NFAM1: variants seen among roughly 807,000 people sequenced by gnomAD.
The protein encoded by NFAM1 is NFAT activation molecule 1.
Under a neutral mutation model 29.0 loss-of-function variants are expected in NFAM1, and 17 were observed. The ratio of observed to expected loss-of-function variants is 0.59; its 90% CI spans 0.40 to 0.88. The LOEUF (loss-of-function observed/expected upper bound fraction) is 0.88. Ranked by LOEUF, NFAM1 falls within the 40% of genes least tolerant of loss-of-function variation. NFAM1 has a pLI of 0.00. For missense variants in NFAM1, 324 were observed against 344.6 expected (o/e 0.94, Z 0.47); for synonymous variants, 175 against 147.2 (o/e 1.19, Z -1.36).
intron 1 of NFAM1, among the ~76,000 whole-genome samples, chr22:42,418,680 C>A (rs933969683): frequency 6.6e-6 from 1 of 151,836 alleles, no homozygotes; most frequent in African/African-American, 2.4e-5. Flanking sequence ...GTGACAAGAG[C>A]TATCTCTGTT....
chr22:42,424,231 C>T (rs1056106057), intron 1 of NFAM1, among the ~76,000 whole-genome samples: 7 of 152,080 alleles, frequency 4.6e-5, no homozygotes, highest in African/African-American at 7.2e-5. Context: ...CTGGCTAACA[C>T]GGTGAAACCC....
At chr22:42,414,045 C>A (rs997192782) in intron 1 of NFAM1, among the ~76,000 whole-genome samples, 12 of 152,044 alleles carry the variant, frequency 7.9e-5, no homozygotes, top group Non-Finnish European at 1.2e-4. Context: ...CAGAGCAAGA[C>A]TTCGTCTCAA....
intron 3 of NFAM1, among the ~76,000 whole-genome samples, chr22:42,403,201 G>A (rs902975922): frequency 2.6e-5 from 4 of 152,060 alleles, no homozygotes; most frequent in East Asian, 1.9e-4. Flanking sequence ...TGGGGAAACC[G>A]AAGCCTGGAG....
intron 4 of NFAM1, among the ~76,000 whole-genome samples, chr22:42,392,281 T>G (rs1403403856): frequency 6.6e-6 from 1 of 152,112 alleles, no homozygotes; most frequent in Non-Finnish European, 1.5e-5. Context: ...TGGAATGTTC[T>G]GGAAGCAAGT....
intron 1 of NFAM1, among the ~76,000 whole-genome samples, chr22:42,418,150 C>T (rs1010708458): frequency 1.3e-5 from 2 of 152,310 alleles, no homozygotes; most frequent in Admixed American, 6.5e-5. Context: ...GGGAAAAGCC[C>T]AGGTTCTGGA....
At chr22:42,418,377 G>A (rs1393455377) in intron 1 of NFAM1, among the ~76,000 whole-genome samples, 1 of 152,214 alleles carries the variant, frequency 6.6e-6, no homozygotes, top group Admixed American at 6.5e-5. Flanking sequence ...GAGACAGGGA[G>A]TCCTCCTTGG....
rs1426815198 is a variant in NFAM1 at position 42,419,251 on chromosome 22, C to A, written c.122-7515G>T. Reference sequence around the variant, plus strand: ...CAACAGCTCCCATCCAGTCCCCTCTCCTGCCCAACCAGGGCTGTCTCTGTG... The same window carrying A: ...CAACAGCTCCCATCCAGTCCCCTCTACTGCCCAACCAGGGCTGTCTCTGTG... On this transcript the variant is annotated intron_variant, in intron 1 of 5. Coordinates refer to ENST00000329021, the MANE Select transcript of NFAM1 (RefSeq NM_145912.8). This position sits in a 1 kb window ranked among gnomAD's most constrained non-coding sequence, Gnocchi z 4.5. Among the ~76,000 whole-genome samples the A allele has an allele frequency of 6.6e-6, 1 of 152,128 alleles. No individual in the cohort carries two copies. Among genetic ancestry groups the A allele is most frequent in the African/African-American group, 2.4e-5 (1 of 41,436 alleles).
At chr22:42,387,160 T>C in intron 4 of NFAM1, 82 bp from the exon 5 acceptor site, 1 of 773,014 alleles carries the variant, frequency 1.3e-6, no homozygotes, top group Non-Finnish European at 2.1e-6. Flanking sequence ...CCCTGCCTGT[T>C]ACACACCCCA....
chr22:42,399,701 G>C (rs972677754), intron 3 of NFAM1, among the ~76,000 whole-genome samples: 3 of 152,156 alleles, frequency 2.0e-5, no homozygotes, highest in African/African-American at 7.2e-5. Context: ...TCACGAGGCG[G>C]TACAGGCAGC....
intron 1 of NFAM1, among the ~76,000 whole-genome samples, chr22:42,415,529 G>C (rs936076044): frequency 2.0e-5 from 3 of 151,982 alleles, no homozygotes; most frequent in Non-Finnish European, 2.9e-5. Context: ...TCAATCTCCT[G>C]ACCTCGTGAT....
intron 1 of NFAM1, among the ~76,000 whole-genome samples, chr22:42,426,522 C>T (rs938642060): frequency 6.6e-6 from 1 of 152,210 alleles, no homozygotes; most frequent in African/African-American, 2.4e-5. Context: ...ACTCTGCAGC[C>T]CCTCCTCTGT....
intron 1 of NFAM1, 43 bp from the exon 2 acceptor site, chr22:42,411,779 C>T: frequency 7.1e-7 from 1 of 1,401,540 alleles, no homozygotes; most frequent in Non-Finnish European, 1.0e-6. Context: ...TCACTTGAGG[C>T]TGCCTCAGTC....
intron 1 of NFAM1, among the ~76,000 whole-genome samples, chr22:42,413,482 G>A (rs1022767659): frequency 6.6e-5 from 10 of 152,104 alleles, no homozygotes; most frequent in Non-Finnish European, 1.3e-4. Flanking sequence ...AGCCACTAAA[G>A]AGACACCCCC....
At chr22:42,414,575 T>TA (rs930196967) in intron 1 of NFAM1, among the ~76,000 whole-genome samples, 9 of 151,668 alleles carry the variant, frequency 5.9e-5, no homozygotes, top group South Asian at 2.1e-4. Context: ...TTTTTTAAAT[T>TA]AAAAAAATTT....
chr22:42,383,163 G>A lies in NFAM1; in HGVS notation c.*1998C>T, dbSNP rs1310453001. 1 of 152,612 alleles carries A rather than the reference G, an allele frequency of 6.6e-6. No individual in the cohort carries two copies. 9.5% of individuals were successfully genotyped at this position (152,612 alleles called of 1,614,324 possible). A position where few individuals can be genotyped will look rare whatever the true frequency, so the allele number is the denominator to read the frequency against. On this transcript the variant is annotated 3_prime_UTR_variant, in exon 6 of 6. Coordinates refer to ENST00000329021, the MANE Select transcript of NFAM1 (RefSeq NM_145912.8). ...CCCCTGTCTACCCCTGAAAAAGACT[G>A]GAAAATGCTGAGTCCCAGCCAAGGG...
At chr22:42,389,688 C>G (rs1240667329) in intron 4 of NFAM1, among the ~76,000 whole-genome samples, 1 of 70,410 alleles carries the variant, frequency 1.4e-5, no homozygotes, top group Non-Finnish European at 2.7e-5. Flanking sequence ...CTGGGCTGGG[C>G]TGGGCTGGGG....
chr22:42,421,229 T>A (rs1360581796), intron 1 of NFAM1, among the ~76,000 whole-genome samples: 1 of 151,940 alleles, frequency 6.6e-6, no homozygotes, highest in Non-Finnish European at 1.5e-5. Flanking sequence ...GGTGGGTGGA[T>A]CTCCTGAGGT....
chr22:42,411,568 G>A lies in NFAM1; in HGVS notation c.290C>T (p.Thr97Ile). ...LQGQRSPKKP[T>I]NCHPGLGTEN... Reference sequence around the variant, plus strand: ...TGTGCCCAGTCCAGGGTGGCAGTTTGTTGGCTTCTTAGGGCTCCTCTGTCC... The same window carrying A: ...TGTGCCCAGTCCAGGGTGGCAGTTTATTGGCTTCTTAGGGCTCCTCTGTCC... The change falls in exon 2 of 6, where the codon ACA becomes ATA. Residue 97 changes from threonine to isoleucine, a missense_variant. Physicochemically the swap from Thr to Ile is moderately conservative, Grantham distance 89. Transcript: ENST00000329021. The A allele has an allele frequency of 1.2e-6, 2 of 1,614,224 alleles. No homozygotes were observed. Among genetic ancestry groups the A allele is most frequent in the Non-Finnish European group, 1.7e-6 (2 of 1,180,042 alleles).
intron 1 of NFAM1, 34 bp downstream of exon 1, chr22:42,432,201 CGA>C: frequency 6.5e-7 from 1 of 1,538,982 alleles, no homozygotes; most frequent in Non-Finnish European, 8.8e-7. Flanking sequence ...TGTTCTGGAG[CGA>C]GAGAGTAGAG....
Sources: allele counts gnomAD v4.1 joint callset (sites outside exome capture counted in the v4.1 genomes callset), GRCh38; gene constraint gnomAD v4.1.1; non-coding constraint Gnocchi (gnomAD v3.1); transcripts MANE v1.5; gene names NCBI Gene and HGNC (gene_info 2026-07-23, HGNC 2026-07-21).